RARB: variants seen among roughly 807,000 people sequenced by gnomAD.
The protein encoded by RARB is retinoic acid receptor beta.
A neutral mutation model predicts 51.9 loss-of-function variants in RARB; 17 were observed. The observed-to-expected ratio is 0.33, with a 90% confidence interval of 0.22 to 0.49. RARB has a LOEUF of 0.49. Among genes scored for constraint, RARB ranks in the 20% least tolerant of loss-of-function variants. The pLI, the probability that RARB is intolerant of heterozygous loss-of-function variation, is 0.99. For missense variants in RARB, 369 were observed against 550.8 expected (o/e 0.67, Z 3.30); for synonymous variants, 215 against 195.4 (o/e 1.10, Z -0.84).
chr3:25,228,934 T>G (rs765897218), intron 5 of RARB, among the ~76,000 whole-genome samples: 1 of 152,116 alleles, frequency 6.6e-6, no homozygotes. Context: ...TTTCCTTGTT[T>G]CTTTGTTTCG....
At chr3:25,172,533 T>A (rs6550956) in intron 4 of RARB, among the ~76,000 whole-genome samples, 70,051 of 152,102 alleles carry the variant, frequency 0.46, 17,100 homozygotes, top group East Asian at 0.69. Context: ...TCAAACTGAC[T>A]CACTTCAAAA....
intron 2 of RARB, among the ~76,000 whole-genome samples, chr3:24,965,882 T>A (rs1696242886): frequency 6.6e-6 from 1 of 152,188 alleles, no homozygotes; most frequent in African/African-American, 2.4e-5. Context: ...GAATAAGGGA[T>A]AATTGTGAAA....
chr3:24,872,009 C>T (rs1326822520), intron 2 of RARB, among the ~76,000 whole-genome samples: 1 of 152,128 alleles, frequency 6.6e-6, no homozygotes, highest in Non-Finnish European at 1.5e-5. Context: ...TTCCCTTACC[C>T]CTCTACAAAC....
At chr3:25,018,402 T>C (rs1314680893) in intron 2 of RARB, among the ~76,000 whole-genome samples, 4 of 152,194 alleles carry the variant, frequency 2.6e-5, no homozygotes, top group Non-Finnish European at 5.9e-5. Context: ...TAGGCTGGAA[T>C]CAAATATGGC....
chr3:25,386,734 ATTGT>A (rs1308346147), intron 5 of RARB, among the ~76,000 whole-genome samples: 2 of 152,098 alleles, frequency 1.3e-5, no homozygotes, highest in African/African-American at 2.4e-5. Context: ...TAAGGGGGCG[ATTGT>A]TTGGCCACTA....
At chr3:25,299,577 C>T (rs1703992169) in intron 5 of RARB, among the ~76,000 whole-genome samples, 2 of 152,104 alleles carry the variant, frequency 1.3e-5, no homozygotes, top group African/African-American at 4.8e-5. Flanking sequence ...GTATGATTTT[C>T]TTCATATCAC....
intron 2 of RARB, among the ~76,000 whole-genome samples, chr3:25,496,466 C>T (rs1254263040): frequency 6.6e-6 from 1 of 152,108 alleles, no homozygotes; most frequent in Non-Finnish European, 1.5e-5. Flanking sequence ...ATCCTACTCC[C>T]CTGTCAGGGA....
chr3:24,933,075 A>G (rs1189128230), intron 2 of RARB, among the ~76,000 whole-genome samples: 2 of 152,236 alleles, frequency 1.3e-5, no homozygotes, highest in Middle Eastern at 3.4e-3. Context: ...TAAATAAGGG[A>G]AAAATAATTT....
intron 4 of RARB, among the ~76,000 whole-genome samples, chr3:25,157,512 C>A (rs772101107): frequency 1.3e-5 from 2 of 152,058 alleles, no homozygotes; most frequent in Non-Finnish European, 2.9e-5. Flanking sequence ...ATTCTCCAGC[C>A]TCAGCCTCCA....
chr3:25,275,999 G>A (rs1703372597), intron 5 of RARB, among the ~76,000 whole-genome samples: 1 of 152,150 alleles, frequency 6.6e-6, no homozygotes, highest in Admixed American at 6.5e-5. Context: ...CAAATACAGG[G>A]TTTACATGAA....
In RARB at chr3:25,217,422, A is replaced by G. The variant is rs145963669; in HGVS notation, c.178+42847A>G. On this transcript the variant is annotated intron_variant, in intron 5 of 11. Coordinates refer to the RARB transcript ENST00000383772. ...TGTTTTTATGGTTACATTATAGCCA[A>G]TATTATGCCTGTATAGCCATTACCC... Among the ~76,000 whole-genome samples the G allele has an allele frequency of 5.6e-3, 855 of 152,236 alleles. 6 individuals are homozygous for G. The highest frequency in any genetic ancestry group is 0.019 in the African/African-American group (805 of 41,538).
intron 4 of RARB, among the ~76,000 whole-genome samples, chr3:25,164,233 C>G (rs1019913765): frequency 1.3e-5 from 2 of 152,114 alleles, no homozygotes; most frequent in Non-Finnish European, 2.9e-5. Context: ...TGATCTCACC[C>G]GAGAAACTGA....
At chr3:25,519,128 GTTACTGAGTAGCATTCTAT>G (rs1257855383) in intron 3 of RARB, among the ~76,000 whole-genome samples, 2 of 152,120 alleles carry the variant, frequency 1.3e-5, no homozygotes, top group African/African-American at 2.4e-5. Flanking sequence ...TGCTCCTTCT[GTTACTGAGTAGCATTCTAT>G]TTTATAGATA....
intron 4 of RARB, among the ~76,000 whole-genome samples, chr3:25,147,326 C>T (rs1700209435): frequency 6.6e-6 from 1 of 152,086 alleles, no homozygotes; most frequent in African/African-American, 2.4e-5. Flanking sequence ...TAGGAGACCC[C>T]TGCTAATCCT....
intron 2 of RARB, among the ~76,000 whole-genome samples, chr3:24,882,998 A>G (rs1346319957): frequency 6.6e-6 from 1 of 152,096 alleles, no homozygotes; most frequent in African/African-American, 2.4e-5. Flanking sequence ...TGATGCCTCA[A>G]ACTGCGTGCA....
chr3:25,454,546 T>G (rs894635965), intron 1 of RARB, among the ~76,000 whole-genome samples: 2 of 152,212 alleles, frequency 1.3e-5, no homozygotes, highest in African/African-American at 4.8e-5. Context: ...ATTAAAATAC[T>G]GTCTTAATCA....
At chr3:25,007,368 G>C (rs1217599277) in intron 2 of RARB, among the ~76,000 whole-genome samples, 1 of 152,026 alleles carries the variant, frequency 6.6e-6, no homozygotes, top group African/African-American at 2.4e-5. Context: ...GCTCACGCCT[G>C]TAATCCCAGC....
intron 1 of RARB, among the ~76,000 whole-genome samples, chr3:24,842,057 A>G (rs768182558): frequency 6.6e-6 from 1 of 152,130 alleles, no homozygotes; most frequent in Non-Finnish European, 1.5e-5. Context: ...AGAATTCTCC[A>G]TTTTTGTTGG....
intron 3 of RARB, among the ~76,000 whole-genome samples, chr3:25,555,348 C>T (rs1389738097): frequency 1.3e-5 from 2 of 152,206 alleles, no homozygotes; most frequent in Non-Finnish European, 2.9e-5. Flanking sequence ...CGATCTTTCT[C>T]TCTTCCCTGC....
Sources: allele counts gnomAD v4.1 joint callset (sites outside exome capture counted in the v4.1 genomes callset), GRCh38; gene constraint gnomAD v4.1.1; transcripts MANE v1.5; gene names NCBI Gene and HGNC (gene_info 2026-07-23, HGNC 2026-07-21).